MXRA8: variants seen among roughly 807,000 people sequenced by gnomAD.
MXRA8 encodes the protein matrix remodeling associated 8.
In MXRA8, 44 loss-of-function variants were observed where a neutral mutation model predicts 51.4. The ratio of observed to expected loss-of-function variants is 0.86; its 90% CI spans 0.67 to 1.10. The LOEUF is 1.10. Among genes scored for constraint, MXRA8 ranks in the 50% least tolerant of loss-of-function variants. The pLI, the probability that MXRA8 is intolerant of heterozygous loss-of-function variation, is 0.00. For synonymous variants in MXRA8, 369 were observed against 293.5 expected, an observed-to-expected ratio of 1.26 and a Z score of -2.63; for missense variants, 765 against 638.9, an observed-to-expected ratio of 1.20 and a Z score of -2.13.
In MXRA8 at chr1:1,354,390, CCAG is replaced by C; in HGVS notation, c.1066_1068del (p.Leu356del). On this transcript the variant is annotated inframe_deletion, in exon 6 of 10. Transcript: ENST00000309212. ...CTGCGGGCGGCCAGGAGGACAGTGA[CCAG>C]TAGCAGGATGAAGAGCAGCAGCGTG... 1 of 1,612,282 alleles carries C rather than the reference CCAG, an allele frequency of 6.2e-7. No individual in the cohort carries two copies. The highest frequency in any genetic ancestry group is 8.5e-7 in the Non-Finnish European group (1 of 1,179,818).
Position 1,353,829 on chromosome 1 carries a change from G to T in MXRA8, c.1303+19C>A. On this transcript the variant is annotated intron_variant, in intron 9 of 9. Transcript: ENST00000309212. The stretch of plus-strand genomic sequence containing the variant: ...CAGGCAGGGCTCTGAGATGGGCTGA[G>T]GTCGCCCCCGCCGCTCACCTTTGTC... 1 of 1,558,926 alleles carries T rather than the reference G, an allele frequency of 6.4e-7. No individual in the cohort carries two copies. Among genetic ancestry groups the T allele is most frequent in the Non-Finnish European group, 8.7e-7 (1 of 1,151,070 alleles).
Position 1,354,947 on chromosome 1 carries a change from C to G in MXRA8, c.684G>C (p.Ser228=). The G allele has an allele frequency of 6.2e-7, 1 of 1,600,790 alleles. No homozygotes were observed. The part of the protein sequence containing the change: ...RADRLLDLYA[S]GERRAYGPLF... Reference sequence around the variant, plus strand: ...GGGGCCCGTAGGCGCGGCGCTCGCCCGACGCGTAGAGGTCCAGCAGGCGGT... The same window carrying G: ...GGGGCCCGTAGGCGCGGCGCTCGCCGGACGCGTAGAGGTCCAGCAGGCGGT... Residue 228 remains serine (S), a synonymous_variant, in exon 5 of 10, where the codon TCG becomes TCC. Coordinates refer to ENST00000309212, the MANE Select transcript of MXRA8 (RefSeq NM_032348.4).
chr1:1,363,092 AAAG>A (rs1239098204), upstream of MXRA8, among the ~76,000 whole-genome samples: 2 of 152,010 alleles, frequency 1.3e-5, no homozygotes, highest in Non-Finnish European at 2.9e-5. Context: ...AAAAAAAAAA[AAAG>A]AAAGGAGTGA....
rs1644029493 is a variant in MXRA8, at chr1:1,352,800, C to T, written c.*804G>A. On this transcript the variant is annotated 3_prime_UTR_variant, in exon 10 of 10. Transcript: ENST00000309212. ...CCACCCCAAACCAACTTCACTCCCT[C>T]CCCTGTCCTCAGCCAGTACAGAAGC... is the stretch of plus-strand genomic sequence containing the variant. The T allele has an allele frequency of 1.6e-5, 3 of 189,574 alleles. No individual in the cohort carries two copies. Among genetic ancestry groups the T allele is most frequent in the South Asian group, 9.4e-5 (1 of 10,682 alleles). The allele number at this position is 189,574 out of a possible 1,614,324, so 11.7% of individuals were successfully genotyped here. A position where few individuals can be genotyped will look rare whatever the true frequency, so the allele number is the denominator to read the frequency against.
chr1:1,353,174 GTCC>G lies in MXRA8; in HGVS notation c.*427_*429del, dbSNP rs1644037386. Reference sequence around the variant, plus strand: ...AAGGCTGCCAAGTTCTGATGGGAGTGTCCTCCTCCAGGAACATCTCCCAGCCCC... The same window carrying G: ...AAGGCTGCCAAGTTCTGATGGGAGTGTCCTCCAGGAACATCTCCCAGCCCC... On this transcript the variant is annotated 3_prime_UTR_variant, in exon 10 of 10. Transcript: ENST00000309212. 4.8e-6 allele frequency: 5 copies of G among 1,038,222 alleles called. No individual in the cohort carries two copies. Among genetic ancestry groups the G allele is most frequent in the South Asian group, 4.1e-5 (3 of 72,422 alleles). The allele number at this position is 1,038,222 out of a possible 1,614,324, so 64.3% of individuals were successfully genotyped here. A position where few individuals can be genotyped will look rare whatever the true frequency, so the allele number is the denominator to read the frequency against.
chr1:1,359,772 G>A (rs112044473), upstream of MXRA8, among the ~76,000 whole-genome samples: 1,397 of 152,298 alleles, frequency 9.2e-3, 13 homozygotes, highest in Non-Finnish European at 0.012. Flanking sequence ...TGGCCCGGGC[G>A]GCGACCTTTC....
At chr1:1,359,445 T>A, upstream of MXRA8, 1 of 985,350 alleles carries the variant, frequency 1.0e-6, no homozygotes, top group Non-Finnish European at 1.2e-6. Flanking sequence ...CAAGCAAACC[T>A]CAAGAAAAAA....
Position 1,356,711 on chromosome 1 carries a change from G to A in MXRA8, c.50-7C>T, listed in dbSNP as rs748327629. Reference sequence around the variant, plus strand: ...TGCAGGAGAACAGCAGAGCCTGGAAGGAGAGGAGTGAGCTGGAGAGGCCAC... The same window carrying A: ...TGCAGGAGAACAGCAGAGCCTGGAAAGAGAGGAGTGAGCTGGAGAGGCCAC... On this transcript the variant is annotated splice_polypyrimidine_tract_variant and splice_region_variant and intron_variant, in intron 1 of 9. Coordinates refer to ENST00000309212, the MANE Select transcript of MXRA8 (RefSeq NM_032348.4). The A allele has an allele frequency of 6.3e-6, 9 of 1,428,870 alleles. No individual in the cohort carries two copies. Among genetic ancestry groups the A allele is most frequent in the South Asian group, 3.2e-5 (2 of 63,028 alleles). The allele number at this position is 1,428,870 out of a possible 1,614,324, so 88.5% of individuals were successfully genotyped here.
rs1644158293 is a variant in MXRA8 at position 1,357,607 on chromosome 1, GACC to G, written c.49+846_49+848del. On this transcript the variant is annotated intron_variant, in intron 1 of 9. Coordinates refer to ENST00000309212, the MANE Select transcript of MXRA8 (RefSeq NM_032348.4). ...GGATCACCTGAGGTCAGGAATTCAA[GACC>G]AGCCTGGCCAATATGAAAAACCCCA... Among the ~76,000 whole-genome samples, 3 of 152,316 alleles carry G rather than the reference GACC, an allele frequency of 2.0e-5. No homozygotes were observed. The South Asian group carries it at 6.2e-4, about 32-fold the overall frequency.
Position 1,353,603 on chromosome 1 carries a change from C to T in MXRA8, c.*1G>A, listed in dbSNP as rs147014928. ...GGCCCAGCCAGGAGCCCAGGGCCTCCCTATTTGCAGTTCTCCTTCCGGAAC... is the reference window on the plus strand; with the variant it reads ...GGCCCAGCCAGGAGCCCAGGGCCTCTCTATTTGCAGTTCTCCTTCCGGAAC... On this transcript the variant is annotated 3_prime_UTR_variant, in exon 10 of 10. Transcript: ENST00000309212. 6.3e-5 allele frequency: 99 copies of T among 1,561,762 alleles called. No individual in the cohort carries two copies. The African/African-American group carries it at 1.3e-3, about 20-fold the overall frequency.
upstream of MXRA8, chr1:1,358,710 G>A (rs1165286252): frequency 1.7e-5 from 23 of 1,383,368 alleles, no homozygotes; most frequent in Non-Finnish European, 1.9e-5. Flanking sequence ...GGGCAGTGTG[G>A]GAGCAGAGGC....
In MXRA8 at chr1:1,358,537, C is replaced by T. The variant is rs758926219; in HGVS notation, c.-33G>A. 8.1e-6 allele frequency: 13 copies of T among 1,606,278 alleles called. No individual in the cohort carries two copies. The highest frequency in any genetic ancestry group is 1.3e-5 in the African/African-American group (1 of 74,824). On this transcript the variant is annotated 5_prime_UTR_variant, in exon 1 of 10. Transcript: ENST00000309212. ...GCCCAGCCCCAGGCTTTGTCCCACT[C>T]GGCTCTAAGTCTCTCTCCAGAAAAA...
Position 1,354,701 on chromosome 1 carries a change from G to A in MXRA8, c.930C>T (p.His310=). 1 of 1,589,946 alleles carries A rather than the reference G, an allele frequency of 6.3e-7. No individual in the cohort carries two copies. The part of the protein sequence containing the change: ...PRGSPGNGSS[H]SGAPGPDPTL... Reference sequence around the variant, plus strand: ...CTTCACCTGGGCCTGGGGCGCCGCTGTGGCTGGAGCCGTTGCCCGGAGAGC... The same window carrying A: ...CTTCACCTGGGCCTGGGGCGCCGCTATGGCTGGAGCCGTTGCCCGGAGAGC... Residue 310 remains histidine (H), a synonymous_variant, in exon 5 of 10, where the codon CAC becomes CAT. Transcript: ENST00000309212.
Position 1,355,226 on chromosome 1 carries a change from C to CGGGGGGGGGGGGGTGGGGGGGGGG in MXRA8, c.478+17_478+18insCCCCCCCCCCACCCCCCCCCCCCC. The CGGGGGGGGGGGGGTGGGGGGGGGG allele has an allele frequency of 1.5e-6, 1 of 663,516 alleles. No individual in the cohort carries two copies. 41.1% of individuals were successfully genotyped at this position (663,516 alleles called of 1,614,324 possible). On this transcript the variant is annotated intron_variant, in intron 4 of 9. Transcript: ENST00000309212. Reference sequence around the variant, plus strand: ...GGGTCGAGGGGCGGGAGCTGGGGGGCGGGGGGGAAGCACTCACGGCCGTCG... The same window carrying CGGGGGGGGGGGGGTGGGGGGGGGG: ...GGGTCGAGGGGCGGGAGCTGGGGGGCGGGGGGGGGGGGGTGGGGGGGGGGGGGGGGGAAGCACTCACGGCCGTCG...
At chr1:1,356,440 G>T in intron 2 of MXRA8, among the ~76,000 whole-genome samples, 1 of 142,968 alleles carries the variant, frequency 7.0e-6, no homozygotes, top group Non-Finnish European at 1.5e-5. Context: ...GCCCCCGAGG[G>T]CCCTGGTGGG....
chr1:1,356,179 G>A (rs1251913443), intron 2 of MXRA8, among the ~76,000 whole-genome samples: 1 of 130,254 alleles, frequency 7.7e-6, no homozygotes, highest in Non-Finnish European at 1.7e-5. Context: ...GCCCATGTGG[G>A]GGAAGGGGAA....
chr1:1,360,484 T>C (rs1279439604), upstream of MXRA8, among the ~76,000 whole-genome samples: 1 of 53,560 alleles, frequency 1.9e-5, no homozygotes. Context: ...GCTGGGACTG[T>C]GGAGCCTCTG....
upstream of MXRA8, chr1:1,358,570 AC>A: frequency 2.6e-6 from 4 of 1,562,686 alleles, no homozygotes; most frequent in South Asian, 2.4e-5. Context: ...AAACAGCCCT[AC>A]CCCCTCCCCC....
At chr1:1,362,154 G>A (rs28404644), upstream of MXRA8, among the ~76,000 whole-genome samples, 487 of 152,280 alleles carry the variant, frequency 3.2e-3, no homozygotes, top group Non-Finnish European at 5.6e-3. Context: ...GCCCCGAGGA[G>A]GCAGGGCTGT....
Sources: allele counts gnomAD v4.1 joint callset (sites outside exome capture counted in the v4.1 genomes callset), GRCh38; gene constraint gnomAD v4.1.1; transcripts MANE v1.5; gene names NCBI Gene and HGNC (gene_info 2026-07-23, HGNC 2026-07-21).